ADGRL3: variants seen among roughly 807,000 people sequenced by gnomAD.
ADGRL3 encodes the protein calcium-independent alpha-latrotoxin receptor 3.
ADGRL3 carries 62 observed loss-of-function variants against 153.5 expected under a neutral mutation model. The observed-to-expected ratio is 0.40, with a 90% CI of 0.33 to 0.50. ADGRL3 has a LOEUF of 0.50. ADGRL3 is among the 20% of genes least tolerant of loss of function. ADGRL3 has a pLI of 0.47. For synonymous variants in ADGRL3, 710 were observed against 672.5 expected (o/e 1.06, Z -0.86); for missense variants, 1,641 against 1,859.4 (o/e 0.88, Z 2.16).
intron 8 of ADGRL3, among the ~76,000 whole-genome samples, chr4:61,734,258 AT>A (rs2096481039): frequency 6.6e-6 from 1 of 150,830 alleles, no homozygotes; most frequent in East Asian, 1.9e-4. Context: ...TTTTTTTTTC[AT>A]TTTTATGTAC....
chr4:62,060,241 A>C (rs977782997), intron 25 of ADGRL3, among the ~76,000 whole-genome samples: 16 of 151,988 alleles, frequency 1.1e-4, no homozygotes, highest in Middle Eastern at 3.2e-3. Context: ...TATGTATTTA[A>C]GACAAAGAAA....
At chr4:61,730,538 G>T (rs753496243) in intron 6 of ADGRL3, 84 bp from the exon 7 acceptor site, 4 of 345,876 alleles carry the variant, frequency 1.2e-5, no homozygotes, top group African/African-American at 2.1e-5. Flanking sequence ...TTTGGAAGAG[G>T]TGAATAAAAA....
At chr4:61,844,575 A>AAAAAAAATAT (rs1554045137) in intron 9 of ADGRL3, among the ~76,000 whole-genome samples, 1 of 18,108 alleles carries the variant, frequency 5.5e-5, no homozygotes, top group African/African-American at 2.6e-4. Flanking sequence ...AAAAAAAAAA[A>AAAAAAAATAT]ATATATATAT....
rs374714800 is a variant in ADGRL3 at position 61,535,933 on chromosome 4, A to G, written c.259+18415A>G. The stretch of plus-strand genomic sequence containing the variant: ...TGAACTGTGTTATTTCTTCCCTTCT[A>G]CTAGCTTTGAGTTTGGTTTGTTCTT... On this transcript the variant is annotated intron_variant, in intron 4 of 26. Transcript: ENST00000683033. Among the ~76,000 whole-genome samples the G allele has an allele frequency of 4.0e-5, 6 of 151,680 alleles. No homozygotes were observed. In the South Asian group the frequency reaches 8.3e-4, roughly 21 times the overall value.
At chr4:61,508,799 G>T (rs1331802900) in intron 3 of ADGRL3, among the ~76,000 whole-genome samples, 1 of 152,060 alleles carries the variant, frequency 6.6e-6, no homozygotes. Context: ...TGCTGATAAA[G>T]ACATTCCTGA....
chr4:61,355,900 A>G lies in ADGRL3; in HGVS notation c.-239-27224A>G, dbSNP rs76790358. ...ATTCATAGCAGTATTCAAGTTTTGAAGTGTAATCTTGAAGCTCTTAATGTG... is the reference window on the plus strand; with the variant it reads ...ATTCATAGCAGTATTCAAGTTTTGAGGTGTAATCTTGAAGCTCTTAATGTG... On this transcript the variant is annotated intron_variant, in intron 1 of 26. Coordinates refer to ENST00000683033, the MANE Select transcript of ADGRL3 (RefSeq NM_001387552.1). Among the ~76,000 whole-genome samples, 114 of 152,236 alleles carry G rather than the reference A, an allele frequency of 7.5e-4. 2 individuals carry two copies. In the East Asian group the frequency reaches 0.011, roughly 14 times the overall value.
intron 13 of ADGRL3, among the ~76,000 whole-genome samples, chr4:61,926,488 A>G (rs2098794890): frequency 6.6e-6 from 1 of 152,058 alleles, no homozygotes; most frequent in Non-Finnish European, 1.5e-5. Flanking sequence ...CTTTGGAATA[A>G]TCTCTGCTTT....
intron 8 of ADGRL3, among the ~76,000 whole-genome samples, chr4:61,738,850 G>C (rs2096549934): frequency 6.6e-6 from 1 of 151,988 alleles, no homozygotes; most frequent in East Asian, 1.9e-4. Context: ...TTTTAAACTT[G>C]TATTTAAAAT....
In ADGRL3 at chr4:61,298,901, A is replaced by G. The variant is rs1307366342; in HGVS notation, c.-239-84223A>G. ...ATTTATTAGAGGCTACGATAACTTA[A>G]TCAAATGTTGGCTTTTCATTTAGTA... On this transcript the variant is annotated intron_variant, in intron 1 of 26. Transcript: ENST00000683033. Among the ~76,000 whole-genome samples, 6 of 152,312 alleles carry G rather than the reference A, an allele frequency of 3.9e-5. 1 individual carries two copies. Among genetic ancestry groups the G allele is most frequent in the Admixed American group, 6.5e-5 (1 of 15,300 alleles).
intron 17 of ADGRL3, among the ~76,000 whole-genome samples, chr4:61,959,597 T>A (rs1560432344): frequency 2.0e-5 from 3 of 152,178 alleles, no homozygotes; most frequent in South Asian, 4.1e-4. Context: ...TTCCATACCA[T>A]GGATTCTGTG....
chr4:62,050,324 G>A (rs1206584195), intron 25 of ADGRL3, among the ~76,000 whole-genome samples: 1 of 151,988 alleles, frequency 6.6e-6, no homozygotes, highest in Non-Finnish European at 1.5e-5. Flanking sequence ...AATGACATAA[G>A]CAAACACTGC....
intron 13 of ADGRL3, among the ~76,000 whole-genome samples, chr4:61,934,628 G>T (rs1432623436): frequency 6.6e-6 from 1 of 152,174 alleles, no homozygotes; most frequent in East Asian, 1.9e-4. Flanking sequence ...ACAAAAACAG[G>T]TTTTCCTCTT....
In ADGRL3 at chr4:61,998,200, T is replaced by C. The variant is rs1263736273; in HGVS notation, c.3330T>C (p.Ala1110=). 4 of 1,583,426 alleles carry C rather than the reference T, an allele frequency of 2.5e-6. No homozygotes were observed. The highest frequency in any genetic ancestry group is 1.8e-5 in the Admixed American group (1 of 54,984). ...TTAATGTAATCTTCCTTGGGATTGC[T>C]TTATATAAAATGTTTCATCATACTG... ...IMLNVIFLGI[A]LYKMFHHTAI... is the part of the protein sequence containing the mutation. Residue 1110 remains alanine (A), a synonymous_variant, in exon 21 of 27, where the codon GCT becomes GCC. Coordinates refer to ENST00000683033, the MANE Select transcript of ADGRL3 (RefSeq NM_001387552.1).
At chr4:61,264,407 G>C (rs1353233961) in intron 1 of ADGRL3, among the ~76,000 whole-genome samples, 1 of 151,884 alleles carries the variant, frequency 6.6e-6, no homozygotes, top group Non-Finnish European at 1.5e-5. Flanking sequence ...TCTAGATTTA[G>C]GTTTTTCTCA....
chr4:61,678,396 TA>T (rs1195775523), intron 6 of ADGRL3, among the ~76,000 whole-genome samples: 3 of 152,066 alleles, frequency 2.0e-5, no homozygotes, highest in Non-Finnish European at 2.9e-5. Context: ...GATTTTATCA[TA>T]TTTTTTTAAT....
chr4:62,034,345 A>G (rs551529571), intron 23 of ADGRL3, among the ~76,000 whole-genome samples: 2 of 151,924 alleles, frequency 1.3e-5, no homozygotes, highest in Admixed American at 1.3e-4. Context: ...TGGACCTTAT[A>G]GAAAAACTTG....
intron 1 of ADGRL3, among the ~76,000 whole-genome samples, chr4:61,348,931 G>A (rs989335481): frequency 1.3e-5 from 2 of 151,998 alleles, no homozygotes; most frequent in Non-Finnish European, 1.5e-5. Flanking sequence ...AAGAATTCTG[G>A]AGTTGGACCT....
intron 1 of ADGRL3, among the ~76,000 whole-genome samples, chr4:61,242,505 T>TAAA (rs1313216783): frequency 3.3e-5 from 5 of 152,070 alleles, no homozygotes; most frequent in African/African-American, 1.2e-4. Flanking sequence ...AATGGCCATT[T>TAAA]ACACTGTTTT....
chr4:61,498,392 T>C (rs1213513804), intron 3 of ADGRL3, among the ~76,000 whole-genome samples: 1 of 151,726 alleles, frequency 6.6e-6, no homozygotes, highest in Non-Finnish European at 1.5e-5. Flanking sequence ...CTACTAAAAA[T>C]ACAAAGAAAT....
Sources: gnomAD v4.1 joint callset for allele counts (sites outside exome capture counted in the v4.1 genomes callset) on GRCh38, gnomAD v4.1.1 for gene constraint, MANE v1.5 for transcripts, NCBI Gene and HGNC (gene_info 2026-07-23, HGNC 2026-07-21) for gene names.